Variants in SRGAP3 observed in about 807,000 individuals in gnomAD.
The protein encoded by SRGAP3 is SLIT-ROBO Rho GTPase-activating protein 3.
SRGAP3 carries 39 observed loss-of-function variants against 121.1 expected under a neutral mutation model. That is an observed-to-expected ratio of 0.32 (90% confidence interval 0.25 to 0.42). SRGAP3 has a LOEUF of 0.42. Among genes scored for constraint, SRGAP3 ranks in the 10% least tolerant of loss-of-function variants. The probability of loss-of-function intolerance (pLI) is 1.00; values close to 1 mark genes in which losing one functional copy is unlikely to be tolerated. For synonymous variants in SRGAP3, 601 were observed against 570.0 expected (o/e 1.05, Z -0.77); for missense variants, 1,213 against 1,470.6 (o/e 0.82, Z 2.86).
chr3:9,273,127 T>C (rs1954511010), intron 3 of SRGAP3, among the ~76,000 whole-genome samples: 1 of 152,196 alleles, frequency 6.6e-6, no homozygotes, highest in Admixed American at 6.5e-5. Flanking sequence ...AGTTAGATTC[T>C]GATAAGGGGC....
intron 1 of SRGAP3, among the ~76,000 whole-genome samples, chr3:9,168,808 C>T (rs1950881403): frequency 6.6e-6 from 1 of 152,214 alleles, no homozygotes; most frequent in Admixed American, 6.5e-5. Flanking sequence ...ATTTTTTGGG[C>T]CCCTACTCAG....
chr3:9,147,382 T>G (rs935505132), intron 1 of SRGAP3, among the ~76,000 whole-genome samples: 7 of 151,984 alleles, frequency 4.6e-5, no homozygotes, highest in Non-Finnish European at 1.0e-4. Context: ...TGCGAGGCAG[T>G]TTCACACACC....
chr3:9,060,189 G>A (rs2125191018), intron 6 of SRGAP3, 42 bp downstream of exon 6: 1 of 1,613,314 alleles, frequency 6.2e-7, no homozygotes, highest in South Asian at 1.1e-5. Context: ...TGCCAGCCCT[G>A]GTGTGGGCCC....
Position 8,997,558 on chromosome 3 carries a change from G to T in SRGAP3, c.2228-3035C>A, listed in dbSNP as rs115624456. 4.2e-3 allele frequency among the ~76,000 whole-genome samples: 644 copies of T among 152,200 alleles called. 2 individuals are homozygous for T. Among genetic ancestry groups the T allele is most frequent in the African/African-American group, 0.015 (613 of 41,536 alleles). On this transcript the variant is annotated intron_variant, in intron 18 of 21. Coordinates refer to ENST00000383836, the MANE Select transcript of SRGAP3 (RefSeq NM_014850.4). The stretch of plus-strand genomic sequence containing the variant: ...CATAAGGCCCTCCAGGATCCCAATC[G>T]CAGAGACCTCTGAGACCTCATCTTC...
intron 1 of SRGAP3, chr3:9,219,068 C>T (rs1214948901): frequency 6.6e-6 from 1 of 152,162 alleles, no homozygotes; most frequent in Non-Finnish European, 1.5e-5. Context: ...TTCCTGGCCT[C>T]AAGTGGTCCT....
intron 2 of SRGAP3, among the ~76,000 whole-genome samples, chr3:9,329,231 C>T (rs991588121): frequency 2.0e-5 from 3 of 152,200 alleles, no homozygotes; most frequent in Non-Finnish European, 4.4e-5. Flanking sequence ...TTTTACCATT[C>T]ATTCAACCAT....
At chr3:9,151,974 C>T (rs1162493630) in intron 1 of SRGAP3, among the ~76,000 whole-genome samples, 2 of 152,218 alleles carry the variant, frequency 1.3e-5, no homozygotes, top group South Asian at 2.1e-4. Context: ...CTCCTCCCCA[C>T]ATCATCCATG....
intron 1 of SRGAP3, among the ~76,000 whole-genome samples, chr3:9,335,482 G>T (rs1208436549): frequency 6.6e-6 from 1 of 152,148 alleles, no homozygotes; most frequent in Non-Finnish European, 1.5e-5. Context: ...GTTTCCAGCT[G>T]GTCCTTACTT....
In SRGAP3 at chr3:8,981,132, T is replaced by C. The variant is rs1216931185; in HGVS notation, c.*4387A>G. On this transcript the variant is annotated 3_prime_UTR_variant, in exon 22 of 22. Transcript: ENST00000383836. The stretch of plus-strand genomic sequence containing the variant: ...TCAATCTCAGGGAGGTCAGGAGGGC[T>C]TGGACCTGACAGCAAAGTCCCTTCT... 5 of 233,048 alleles carry C rather than the reference T, an allele frequency of 2.1e-5. No individual in the cohort carries two copies. In the East Asian group the frequency reaches 3.0e-4, roughly 14 times the overall value. 14.4% of individuals were successfully genotyped at this position (233,048 alleles called of 1,614,324 possible). A position where few individuals can be genotyped will look rare whatever the true frequency, so the allele number is the denominator to read the frequency against.
intron 3 of SRGAP3, among the ~76,000 whole-genome samples, chr3:9,273,687 C>T (rs879771569): frequency 2.6e-5 from 4 of 152,162 alleles, no homozygotes; most frequent in Admixed American, 6.5e-5. Context: ...GAAGGCTTCC[C>T]CTACTTTTCT....
At chr3:9,315,082 T>A (rs1382478031) in intron 3 of SRGAP3, among the ~76,000 whole-genome samples, 1 of 152,364 alleles carries the variant, frequency 6.6e-6, no homozygotes, top group Admixed American at 6.5e-5. Context: ...CTGGTAGGGC[T>A]GGCCTCACAC....
intron 10 of SRGAP3, among the ~76,000 whole-genome samples, chr3:9,047,111 C>T (rs1430280910): frequency 6.6e-6 from 1 of 152,104 alleles, no homozygotes; most frequent in Non-Finnish European, 1.5e-5. Flanking sequence ...GGATTACAGG[C>T]GTGAGCCACC....
At chr3:9,049,501 TGGTCACTCACTGG>T in intron 9 of SRGAP3, 1 of 456,094 alleles carries the variant, frequency 2.2e-6, no homozygotes, top group Admixed American at 2.3e-5. Context: ...CTCAGAACTG[TGGTCACTCACTGG>T]GTACCTCGGG....
rs960807820 is a variant in SRGAP3 at position 9,239,256 on chromosome 3, T to G, written c.67+9629A>C. On this transcript the variant is annotated intron_variant, in intron 1 of 21. Coordinates refer to ENST00000383836, the MANE Select transcript of SRGAP3 (RefSeq NM_014850.4). This position sits in a 1 kb window ranked among gnomAD's most constrained non-coding sequence, Gnocchi z 4.0. ...TTAGCTGGACGTAGTGGCTGGCACC[T>G]GTAATCCCAGCTACTTGGGAGGCTG... is the stretch of plus-strand genomic sequence containing the variant. Among the ~76,000 whole-genome samples, 1 of 152,124 alleles carries G rather than the reference T, an allele frequency of 6.6e-6. No individual in the cohort carries two copies. Among genetic ancestry groups the G allele is most frequent in the African/African-American group, 2.4e-5 (1 of 41,414 alleles).
intron 3 of SRGAP3, among the ~76,000 whole-genome samples, chr3:9,316,135 G>T (rs1187135316): frequency 1.3e-5 from 2 of 151,864 alleles, no homozygotes; most frequent in Admixed American, 6.6e-5. Context: ...TGCAACCTCC[G>T]CCTCTTGGAT....
At chr3:9,067,631 C>T (rs1219955933) in intron 4 of SRGAP3, among the ~76,000 whole-genome samples, 1 of 152,122 alleles carries the variant, frequency 6.6e-6, no homozygotes, top group African/African-American at 2.4e-5. Context: ...GTTAAAAGGA[C>T]ACTGGGGCCT....
chr3:9,250,985 C>A (rs1336828141), upstream of SRGAP3, among the ~76,000 whole-genome samples: 5 of 152,172 alleles, frequency 3.3e-5, no homozygotes, highest in African/African-American at 9.7e-5. Context: ...TCCCAAATTT[C>A]TCAAAATAGG....
intron 2 of SRGAP3, among the ~76,000 whole-genome samples, chr3:9,123,731 T>C (rs1949108530): frequency 7.4e-6 from 1 of 134,680 alleles, no homozygotes; most frequent in African/African-American, 3.1e-5. Flanking sequence ...TATATGTATA[T>C]ATGTGTGTGT....
intron 1 of SRGAP3, among the ~76,000 whole-genome samples, chr3:9,137,401 G>A (rs1177883608): frequency 6.6e-6 from 1 of 152,116 alleles, no homozygotes; most frequent in Non-Finnish European, 1.5e-5. Flanking sequence ...GCAGTGCTGG[G>A]TGAAGTGACT....
Sources: allele counts gnomAD v4.1 joint callset (sites outside exome capture counted in the v4.1 genomes callset), GRCh38; gene constraint gnomAD v4.1.1; non-coding constraint Gnocchi (gnomAD v3.1); transcripts MANE v1.5; gene names NCBI Gene and HGNC (gene_info 2026-07-23, HGNC 2026-07-21).